C3orf22: variants seen among roughly 807,000 people sequenced by gnomAD.
C3orf22 encodes chromosome 3 open reading frame 22.
Under a neutral mutation model 10.8 loss-of-function variants are expected in C3orf22, and 7 were observed. The ratio of observed to expected loss-of-function variants is 0.65; its 90% CI spans 0.37 to 1.22. C3orf22 has a LOEUF of 1.22. C3orf22 is among the 50% of genes most tolerant of loss of function. The pLI is 0.02. For synonymous variants in C3orf22, 79 were observed against 78.9 expected, an observed-to-expected ratio of 1.00 and a Z score of 0.00; for missense variants, 173 against 177.0, an observed-to-expected ratio of 0.98 and a Z score of 0.13.
At chr3:126,542,084 G>C (rs771930296) in intron 4 of C3orf22, 11 of 1,584,228 alleles carry the variant, frequency 6.9e-6, no homozygotes, top group Non-Finnish European at 1.7e-6. Flanking sequence ...GGAGCCCTTC[G>C]AGCGCCTGGC....
Position 126,541,959 on chromosome 3 carries a change from G to C in C3orf22, c.286+7578C>G. 2 of 1,585,280 alleles carry C rather than the reference G, an allele frequency of 1.3e-6. No individual in the cohort carries two copies. The highest frequency in any genetic ancestry group is 1.7e-6 in the Non-Finnish European group (2 of 1,167,644). ...AGCGGCCAAGCCCGCGGCGACCCGC[G>C]CGCCATCTCCGCGCAAGAGGCGCAC... On this transcript the variant is annotated intron_variant and NMD_transcript_variant, in intron 4 of 5. Transcript: ENST00000505070.
At chr3:126,535,083 C>CCAGCCGGGAGACAGACGCATCCCTGTCCT (rs1553813237) in intron 4 of C3orf22, among the ~76,000 whole-genome samples, 4 of 103,240 alleles carry the variant, frequency 3.9e-5, no homozygotes, top group Admixed American at 2.0e-4. Context: ...ATCCCTGTCC[C>CCAGCCGGGAGACAGACGCATCCCTGTCCT]CAGCCGGGAG....
At chr3:126,545,439 T>C (rs1197530856), downstream of C3orf22, among the ~76,000 whole-genome samples, 2 of 152,248 alleles carry the variant, frequency 1.3e-5, no homozygotes, top group Non-Finnish European at 2.9e-5. Flanking sequence ...TCTGCAGTTA[T>C]GGGGTAGGGC....
intron 4 of C3orf22, chr3:126,543,185 GCTC>G (rs1937009672): frequency 1.3e-5 from 2 of 152,256 alleles, no homozygotes; most frequent in African/African-American, 4.8e-5. Context: ...GGGTCTTCAG[GCTC>G]CATGCCAACA....
chr3:126,550,088 C>A lies in C3orf22; in HGVS notation c.216-10G>T, dbSNP rs761827585. On this transcript the variant is annotated splice_polypyrimidine_tract_variant and intron_variant, in intron 3 of 3. Coordinates refer to ENST00000318225, the MANE Select transcript of C3orf22 (RefSeq NM_152533.3). ...ATCTGGAGCCCCGAGCCTAGAGAAG[C>A]CACACAGAGCCACGCCTGGCCTTCA... The A allele has an allele frequency of 1.9e-6, 3 of 1,613,346 alleles. No homozygotes were observed. The South Asian group carries it at 3.3e-5, about 18-fold the overall frequency.
rs369460048 is a variant in C3orf22, at chr3:126,549,851, C to A, written c.*17G>T. On this transcript the variant is annotated 3_prime_UTR_variant, in exon 4 of 4. Transcript: ENST00000318225. ...GAGAAGGTGGCCAATAAGAAGGCCA[C>A]ACACAGAGCCCAGTCTCTAGGAGAG... 8.1e-6 allele frequency: 13 copies of A among 1,599,808 alleles called. No homozygotes were observed. The highest frequency in any genetic ancestry group is 9.4e-6 in the Non-Finnish European group (11 of 1,172,406).
chr3:126,529,665 TCTTC>T (rs1390438249), intron 4 of C3orf22, among the ~76,000 whole-genome samples: 3 of 152,088 alleles, frequency 2.0e-5, no homozygotes, highest in African/African-American at 7.2e-5. Context: ...TCCTTCTGTC[TCTTC>T]CTTCTCTTTC....
At chr3:126,531,930 T>C (rs918822158) in intron 4 of C3orf22, among the ~76,000 whole-genome samples, 21 of 152,240 alleles carry the variant, frequency 1.4e-4, no homozygotes, top group Admixed American at 7.9e-4. Context: ...ACCAGCAATA[T>C]ATGAGGGCTC....
At chr3:126,551,934 G>C (rs1024346794) in intron 3 of C3orf22, 63 bp downstream of exon 3, 1 of 1,526,890 alleles carries the variant, frequency 6.5e-7, no homozygotes, top group East Asian at 2.3e-5. Flanking sequence ...AAAACTGGGG[G>C]ACAGAAAGCC....
At chr3:126,555,090 G>A (rs2107584762) in intron 1 of C3orf22, among the ~76,000 whole-genome samples, 1 of 152,360 alleles carries the variant, frequency 6.6e-6, no homozygotes, top group African/African-American at 2.4e-5. Context: ...GCATTGGACA[G>A]CACAGCTCTG....
intron 2 of C3orf22, among the ~76,000 whole-genome samples, chr3:126,552,607 C>T (rs964527423): frequency 3.3e-5 from 5 of 152,204 alleles, no homozygotes; most frequent in African/African-American, 1.2e-4. Context: ...TCATCGTCCC[C>T]ACCTCCCTCG....
rs535442838 is a variant in C3orf22 at position 126,530,853 on chromosome 3, C to T, written c.287-1481G>A. Among the ~76,000 whole-genome samples the T allele has an allele frequency of 2.0e-5, 3 of 152,390 alleles. No homozygotes were observed. In the South Asian group the frequency reaches 6.2e-4, roughly 32 times the overall value. On this transcript the variant is annotated intron_variant and NMD_transcript_variant, in intron 4 of 5. Transcript: ENST00000505070. ...AGACACAGGTGGCCCTGAACCTCCT[C>T]AGCCTCCTCTGCATGCCCTGGCCAC...
In C3orf22 at chr3:126,537,568, G is replaced by A. The variant is rs77873409; in HGVS notation, c.287-8196C>T. On this transcript the variant is annotated intron_variant and NMD_transcript_variant, in intron 4 of 5. Transcript: ENST00000505070. ...CAAGCAGGTAGGGAGGCCTTCCTTC[G>A]CAGAGTGTGACTGACTGACTCTGGG... 9.2e-3 allele frequency among the ~76,000 whole-genome samples: 1,398 copies of A among 152,284 alleles called. 22 individuals are homozygous for A. Among genetic ancestry groups the A allele is most frequent in the African/African-American group, 0.032 (1,332 of 41,556 alleles).
intron 4 of C3orf22, among the ~76,000 whole-genome samples, chr3:126,539,291 C>T (rs1317704667): frequency 2.0e-5 from 3 of 152,072 alleles, no homozygotes; most frequent in Non-Finnish European, 4.4e-5. Flanking sequence ...CTTTGTGAAA[C>T]GTTTTTTATT....
At chr3:126,545,946 G>T (rs368752458), downstream of C3orf22, among the ~76,000 whole-genome samples, 7 of 152,182 alleles carry the variant, frequency 4.6e-5, no homozygotes, top group East Asian at 1.9e-4. Context: ...CCATGAGAGT[G>T]AGCCATTCAC....
At chr3:126,551,942 G>A in intron 3 of C3orf22, 55 bp downstream of exon 3, 1 of 1,541,892 alleles carries the variant, frequency 6.5e-7, no homozygotes. Context: ...GGGACAGAAA[G>A]CCAGGCAGCA....
intron 1 of C3orf22, among the ~76,000 whole-genome samples, chr3:126,556,829 A>G (rs567281936): frequency 4.1e-5 from 1 of 24,662 alleles, no homozygotes; most frequent in Non-Finnish European, 1.1e-4. Context: ...ACTCACATAC[A>G]CACTCACACA....
At chr3:126,557,570 G>A (rs75397502) in intron 1 of C3orf22, among the ~76,000 whole-genome samples, 3,215 of 152,266 alleles carry the variant, frequency 0.021, 97 homozygotes, top group African/African-American at 0.074. Context: ...CTCAAGGCCC[G>A]AGGCGGGAGG....
chr3:126,542,744 AGC>A (rs1936999307), intron 4 of C3orf22: 1 of 1,091,234 alleles, frequency 9.2e-7, no homozygotes, highest in Non-Finnish European at 1.2e-6. Flanking sequence ...GCTTGGGGGC[AGC>A]CCATCTCAGG....
Sources: allele counts gnomAD v4.1 joint callset (sites outside exome capture counted in the v4.1 genomes callset), GRCh38; gene constraint gnomAD v4.1.1; transcripts MANE v1.5; gene names NCBI Gene and HGNC (gene_info 2026-07-23, HGNC 2026-07-21).